LHPP: variants seen among roughly 807,000 people sequenced by gnomAD.
LHPP encodes the protein phospholysine phosphohistidine inorganic pyrophosphate phosphatase.
In LHPP, 24 loss-of-function variants were observed where a neutral mutation model predicts 30.3. That is an observed-to-expected ratio of 0.79 (90% CI 0.57 to 1.11). The LOEUF (loss-of-function observed/expected upper bound fraction) is 1.11, where lower values mean the gene tolerates loss of function less well. Among genes scored for constraint, LHPP ranks in the 50% most tolerant of loss-of-function variants. LHPP has a pLI of 0.00. For missense variants in LHPP, 356 were observed against 367.2 expected, an observed-to-expected ratio of 0.97 and a Z score of 0.25; for synonymous variants, 150 against 157.1, an observed-to-expected ratio of 0.95 and a Z score of 0.34.
intron 6 of LHPP, among the ~76,000 whole-genome samples, chr10:124,547,730 C>T (rs1409716818): frequency 7.3e-6 from 1 of 136,814 alleles, no homozygotes; most frequent in African/African-American, 3.3e-5. Flanking sequence ...CTGGACCCAG[C>T]CCTGACCAGC....
intron 5 of LHPP, chr10:124,498,667 T>TC (rs1012845823): frequency 8.4e-6 from 4 of 473,756 alleles, no homozygotes; most frequent in Non-Finnish European, 1.5e-5. Flanking sequence ...TTTCTTTTTT[T>TC]TTTTTTTTTT....
At position 124,496,911 on chromosome 10, in the gene LHPP, G is replaced by A. The variant is rs771933215; in HGVS notation, c.468-50G>A. On this transcript the variant is annotated intron_variant, in intron 3 of 6. Transcript: ENST00000368842. This position sits in a 1 kb window ranked among gnomAD's most constrained non-coding sequence, Gnocchi z 4.3. ...CAGCTCCCGATACTTAGCATCCTGC[G>A]GTCAGCTCCCCGTGCTCAGCATCCC... 89 of 1,534,734 alleles carry A rather than the reference G, an allele frequency of 5.8e-5. No individual in the cohort carries two copies. Among genetic ancestry groups the A allele is most frequent in the East Asian group, 5.4e-4 (24 of 44,158 alleles).
intron 6 of LHPP, among the ~76,000 whole-genome samples, chr10:124,544,826 G>A (rs115189227): frequency 3.1e-3 from 468 of 152,374 alleles, no homozygotes; most frequent in African/African-American, 0.011. Flanking sequence ...TGCTCAGGGC[G>A]TGGCTGTCCC....
intron 6 of LHPP, among the ~76,000 whole-genome samples, chr10:124,578,179 C>G (rs1433295682): frequency 6.6e-6 from 1 of 152,220 alleles, no homozygotes; most frequent in Non-Finnish European, 1.5e-5. Flanking sequence ...TCCAGGAAGC[C>G]TTCACAGGTT....
rs750848469 is a variant in LHPP, at chr10:124,596,455, G to GGA, written c.717-16807_717-16806dup. 5.3e-5 allele frequency among the ~76,000 whole-genome samples: 8 copies of GGA among 152,170 alleles called. No homozygotes were observed. Among genetic ancestry groups the GGA allele is most frequent in the African/African-American group, 1.9e-4 (8 of 41,436 alleles). ...CCACGCTGGCCATTCAGGTGGACGT[G>GGA]GAGCGGTGTCATTTCCTTCCTGAGG... On this transcript the variant is annotated intron_variant, in intron 6 of 6. Coordinates refer to ENST00000368842, the MANE Select transcript of LHPP (RefSeq NM_022126.4). The surrounding 1 kb of genome is among the most constrained non-coding windows in gnomAD (Gnocchi z 4.6).
chr10:124,498,663 T>TC, intron 5 of LHPP: 1 of 174,254 alleles, frequency 5.7e-6, no homozygotes, highest in Non-Finnish European at 1.1e-5. Context: ...TCTTTTTCTT[T>TC]TTTTTTTTTT....
chr10:124,536,383 A>T (rs372908116), intron 6 of LHPP, among the ~76,000 whole-genome samples: 2 of 151,344 alleles, frequency 1.3e-5, no homozygotes, highest in South Asian at 4.2e-4. Flanking sequence ...TCCCAAATAG[A>T]CTCCTGCTCC....
intron 4 of LHPP, among the ~76,000 whole-genome samples, chr10:124,497,830 C>G (rs1953771630): frequency 6.6e-6 from 1 of 152,172 alleles, no homozygotes; most frequent in Admixed American, 6.5e-5. Flanking sequence ...GGCAGGGTGC[C>G]TGGTGCTAGG....
At chr10:124,497,201 T>G (rs1034059796) in intron 4 of LHPP, among the ~76,000 whole-genome samples, 177 bp downstream of exon 4, 4 of 147,492 alleles carry the variant, frequency 2.7e-5, no homozygotes, top group Admixed American at 6.8e-5. Flanking sequence ...CCTCAGGCCC[T>G]CAGCTGTCCT....
chr10:124,555,453 T>C (rs1329956394), intron 6 of LHPP, among the ~76,000 whole-genome samples: 1 of 152,184 alleles, frequency 6.6e-6, no homozygotes, highest in East Asian at 1.9e-4. Context: ...TGGGTCCTGG[T>C]GTGTCAGCGC....
chr10:124,534,312 C>T lies in LHPP; in HGVS notation c.716+17041C>T, dbSNP rs111365712. Among the ~76,000 whole-genome samples the T allele has an allele frequency of 3.9e-5, 6 of 152,368 alleles. No homozygotes were observed. In the East Asian group the frequency reaches 5.8e-4, roughly 15 times the overall value. ...CAGATGCTGGATTGTCTTTCTCTAC[C>T]GCAGCAGGGCAGGTAGCTTGTCTTT... On this transcript the variant is annotated intron_variant, in intron 6 of 6. Transcript: ENST00000368842.
chr10:124,603,669 G>A (rs552995111), intron 6 of LHPP, among the ~76,000 whole-genome samples: 210 of 152,336 alleles, frequency 1.4e-3, no homozygotes, highest in African/African-American at 5.0e-3. Flanking sequence ...GAGCCTCCTC[G>A]CGGCCCTCGC....
At chr10:124,601,008 G>A (rs1228704871) in intron 6 of LHPP, among the ~76,000 whole-genome samples, 2 of 152,194 alleles carry the variant, frequency 1.3e-5, no homozygotes, top group South Asian at 2.1e-4. Context: ...AGTGCAGAGT[G>A]GGCACCTAAC....
intron 3 of LHPP, among the ~76,000 whole-genome samples, chr10:124,490,934 T>C (rs1953503776): frequency 6.6e-6 from 1 of 151,852 alleles, no homozygotes; most frequent in Admixed American, 6.6e-5. Context: ...ATCACAGGGT[T>C]CTGCACAACC....
chr10:124,490,421 C>T (rs559705437), intron 3 of LHPP: 2 of 337,660 alleles, frequency 5.9e-6, no homozygotes, highest in South Asian at 2.8e-5. Context: ...AACCTCAGGA[C>T]CTGAGAGACT....
intron 6 of LHPP, among the ~76,000 whole-genome samples, chr10:124,589,513 G>T (rs1948849092): frequency 6.6e-6 from 1 of 152,220 alleles, no homozygotes; most frequent in Non-Finnish European, 1.5e-5. Flanking sequence ...CCCAGGAGAA[G>T]GTCCTGGAGG....
chr10:124,510,776 A>T lies in LHPP; in HGVS notation c.625-6404A>T, dbSNP rs1303200385. Among the ~76,000 whole-genome samples, 4 of 152,224 alleles carry T rather than the reference A, an allele frequency of 2.6e-5. No individual in the cohort carries two copies. Among genetic ancestry groups the T allele is most frequent in the Admixed American group, 1.3e-4 (2 of 15,286 alleles). On this transcript the variant is annotated intron_variant, in intron 5 of 6. Transcript: ENST00000368842. The surrounding 1 kb of genome is among the most constrained non-coding windows in gnomAD (Gnocchi z 4.0). ...CCTGGAGTCTCTGGCAGCAGTGGAC[A>T]TGGTCCTGAATTGGAGTGCTGTGAA...
chr10:124,472,437 C>G (rs1199476304), intron 1 of LHPP, among the ~76,000 whole-genome samples: 2 of 152,164 alleles, frequency 1.3e-5, no homozygotes, highest in African/African-American at 2.4e-5. Flanking sequence ...TTTATCCAGA[C>G]TTCAGACTGT....
chr10:124,518,114 C>T (rs966758157), intron 6 of LHPP, among the ~76,000 whole-genome samples: 1 of 152,076 alleles, frequency 6.6e-6, no homozygotes, highest in African/African-American at 2.4e-5. Context: ...GAAGTCTCTC[C>T]TGCGGGTTGG....
Sources: allele counts gnomAD v4.1 joint callset (sites outside exome capture counted in the v4.1 genomes callset), GRCh38; gene constraint gnomAD v4.1.1; non-coding constraint Gnocchi (gnomAD v3.1); transcripts MANE v1.5; gene names NCBI Gene and HGNC (gene_info 2026-07-23, HGNC 2026-07-21).